Variants in BCL7C observed in about 807,000 individuals in gnomAD.
The protein encoded by BCL7C is B-cell CLL/lymphoma 7 protein family member C.
BCL7C carries 8 observed loss-of-function variants against 26.2 expected under a neutral mutation model. The ratio of observed to expected loss-of-function variants is 0.30; its 90% CI spans 0.18 to 0.55. The LOEUF is 0.55. Among genes scored for constraint, BCL7C ranks in the 20% least tolerant of loss-of-function variants. The pLI, the probability that BCL7C is intolerant of heterozygous loss-of-function variation, is 0.93. For missense variants in BCL7C, 262 were observed against 298.5 expected (o/e 0.88, Z 0.90); for synonymous variants, 90 against 116.5 (o/e 0.77, Z 1.47).
exon 6 of BCL7C, chr16:30,835,017 G>T (rs779121398): frequency 1.0e-5 from 16 of 1,549,262 alleles, no homozygotes; most frequent in Non-Finnish European, 1.4e-5. Flanking sequence ...CGGGAGCTCT[G>T]GTGTCCGGCA....
chr16:30,889,083 C>T, intron 4 of BCL7C, 138 bp from the exon 5 acceptor site: 1 of 763,966 alleles, frequency 1.3e-6, no homozygotes, highest in South Asian at 1.7e-5. Context: ...GAGCAGGAAC[C>T]TGGCTGTGCC....
intron 5 of BCL7C, among the ~76,000 whole-genome samples, chr16:30,874,561 G>A (rs2054918791): frequency 2.6e-5 from 4 of 152,116 alleles, no homozygotes; most frequent in Admixed American, 2.6e-4. Flanking sequence ...CGAAGCTGCA[G>A]TGAGCGGAGA....
chr16:30,885,265 A>G (rs1413667696), downstream of BCL7C, among the ~76,000 whole-genome samples: 1 of 152,216 alleles, frequency 6.6e-6, no homozygotes, highest in Non-Finnish European at 1.5e-5. Flanking sequence ...GGAAGATGCT[A>G]CACTGCAGGT....
At chr16:30,841,409 G>C (rs935454210) in intron 5 of BCL7C, among the ~76,000 whole-genome samples, 1 of 152,158 alleles carries the variant, frequency 6.6e-6, no homozygotes, top group African/African-American at 2.4e-5. Context: ...TGATCAAACA[G>C]CAAACTGTTT....
chr16:30,868,742 G>A (rs1487406409), intron 5 of BCL7C, among the ~76,000 whole-genome samples: 3 of 151,564 alleles, frequency 2.0e-5, no homozygotes, highest in Admixed American at 6.6e-5. Flanking sequence ...CGGAGATTGC[G>A]CCATTGCACT....
rs1476024328 is a variant in BCL7C, at chr16:30,887,871, G to A, written c.648C>T (p.Asp216=). Residue 216 remains aspartate, a synonymous_variant, in exon 6 of 6, where the codon GAC becomes GAT. Coordinates refer to ENST00000215115, the MANE Select transcript of BCL7C (RefSeq NM_004765.4). ...PLKRICPNAP[D]P ...GGACAGGCAGGCCGGCTTCTCAGGG[G>A]TCAGGGGCATTTGGGCAGATGCGCT... 3 of 1,590,148 alleles carry A rather than the reference G, an allele frequency of 1.9e-6. No homozygotes were observed. Among genetic ancestry groups the A allele is most frequent in the Admixed American group, 1.8e-5 (1 of 56,062 alleles).
At chr16:30,843,932 T>C (rs1277393189) in intron 5 of BCL7C, among the ~76,000 whole-genome samples, 2 of 149,708 alleles carry the variant, frequency 1.3e-5, no homozygotes, top group African/African-American at 4.9e-5. Context: ...CCCAGCTACT[T>C]GGGATGCTGC....
intron 4 of BCL7C, among the ~76,000 whole-genome samples, chr16:30,890,283 T>G (rs186602547): frequency 2.4e-4 from 37 of 152,000 alleles, no homozygotes; most frequent in African/African-American, 7.5e-4. Flanking sequence ...TAATCCCAGC[T>G]ACTCAGGAGG....
chr16:30,850,238 GA>G (rs1208062503), intron 5 of BCL7C, among the ~76,000 whole-genome samples: 1 of 147,766 alleles, frequency 6.8e-6, no homozygotes, highest in Non-Finnish European at 1.5e-5. Context: ...GAAAAGAAAA[GA>G]AAAAAAGAAA....
At chr16:30,872,797 G>A (rs989004200) in intron 5 of BCL7C, among the ~76,000 whole-genome samples, 17 of 152,156 alleles carry the variant, frequency 1.1e-4, no homozygotes, top group Admixed American at 3.9e-4. Context: ...GTCACTAGCT[G>A]TGTGACACTG....
At chr16:30,863,153 C>T (rs1417052115) in intron 5 of BCL7C, among the ~76,000 whole-genome samples, 1 of 152,102 alleles carries the variant, frequency 6.6e-6, no homozygotes, top group Non-Finnish European at 1.5e-5. Context: ...TCCTTCTTTC[C>T]TGTTCCTCAC....
chr16:30,834,593 T>C lies in BCL7C; in HGVS notation c.*355A>G, dbSNP rs918130211. 1 of 167,840 alleles carries C rather than the reference T, an allele frequency of 6.0e-6. No individual in the cohort carries two copies. Among genetic ancestry groups the C allele is most frequent in the Non-Finnish European group, 1.3e-5 (1 of 78,922 alleles). The allele number at this position is 167,840 out of a possible 1,614,324, so 10.4% of individuals were successfully genotyped here. On this transcript the variant is annotated 3_prime_UTR_variant, in exon 6 of 6. Transcript: ENST00000380317. This position sits in a 1 kb window ranked among gnomAD's most constrained non-coding sequence, Gnocchi z 4.3. ...TCGGGACTCGGCGCCTCTCCCGGGG[T>C]GGCAGGCGCCTCGCATGGCACACTC...
At chr16:30,881,238 A>T (rs2055038209) in intron 5 of BCL7C, among the ~76,000 whole-genome samples, 1 of 152,110 alleles carries the variant, frequency 6.6e-6, no homozygotes, top group Non-Finnish European at 1.5e-5. Context: ...CTCTACTAAA[A>T]ATACAAAATT....
chr16:30,842,717 C>T (rs2054609938), intron 5 of BCL7C, among the ~76,000 whole-genome samples: 2 of 152,090 alleles, frequency 1.3e-5, no homozygotes, highest in South Asian at 2.1e-4. Flanking sequence ...CACTGGCGCC[C>T]GCCACCGCTC....
chr16:30,846,205 T>TTTATTTAA (rs1333594570), intron 5 of BCL7C, among the ~76,000 whole-genome samples: 3 of 144,130 alleles, frequency 2.1e-5, no homozygotes, highest in Non-Finnish European at 4.6e-5. Flanking sequence ...TTAAAATTTA[T>TTTATTTAA]TTATTTATTT....
intron 5 of BCL7C, among the ~76,000 whole-genome samples, chr16:30,859,810 G>A (rs1373901490): frequency 6.6e-6 from 1 of 152,182 alleles, no homozygotes; most frequent in East Asian, 1.9e-4. Flanking sequence ...CTGCACCCAG[G>A]TGAAATAAAC....
At chr16:30,866,531 C>G (rs572380750) in intron 5 of BCL7C, among the ~76,000 whole-genome samples, 3 of 144,760 alleles carry the variant, frequency 2.1e-5, no homozygotes, top group African/African-American at 5.2e-5. Flanking sequence ...GAGCCAAGAT[C>G]GGGCCACTGC....
intron 5 of BCL7C, among the ~76,000 whole-genome samples, chr16:30,854,068 A>G (rs1382576205): frequency 1.3e-5 from 2 of 152,154 alleles, no homozygotes; most frequent in Non-Finnish European, 2.9e-5. Context: ...GTGGCTTCTC[A>G]GTGTCTTCCT....
chr16:30,838,859 T>G (rs2054585259), intron 5 of BCL7C, among the ~76,000 whole-genome samples: 1 of 152,232 alleles, frequency 6.6e-6, no homozygotes, highest in Non-Finnish European at 1.5e-5. Context: ...TTCTGGGTAT[T>G]AATAATGCAT....
Sources: allele counts gnomAD v4.1 joint callset (sites outside exome capture counted in the v4.1 genomes callset), GRCh38; gene constraint gnomAD v4.1.1; non-coding constraint Gnocchi (gnomAD v3.1); transcripts MANE v1.5; gene names NCBI Gene and HGNC (gene_info 2026-07-23, HGNC 2026-07-21).